THSD7A: variants seen among roughly 807,000 people sequenced by gnomAD.
THSD7A encodes thrombospondin type-1 domain-containing protein 7A.
THSD7A carries 96 observed loss-of-function variants against 231.3 expected under a neutral mutation model. The ratio of observed to expected loss-of-function variants is 0.41; its 90% CI spans 0.35 to 0.49. The LOEUF (loss-of-function observed/expected upper bound fraction) is 0.49, where lower values mean the gene tolerates loss of function less well. Among genes scored for constraint, THSD7A ranks in the 20% least tolerant of loss-of-function variants. THSD7A has a pLI of 0.05. For synonymous variants in THSD7A, 940 were observed against 743.3 expected (o/e 1.26, Z -4.30); for missense variants, 2,290 against 2,070.2 (o/e 1.11, Z -2.06).
At chr7:11,403,061 T>G (rs1783461956) in intron 22 of THSD7A, among the ~76,000 whole-genome samples, 1 of 152,152 alleles carries the variant, frequency 6.6e-6, no homozygotes, top group Admixed American at 6.5e-5. Context: ...ATACACCCTT[T>G]CCATTAACCC....
intron 6 of THSD7A, among the ~76,000 whole-genome samples, chr7:11,488,037 A>G (rs1786733267): frequency 6.6e-6 from 1 of 152,150 alleles, no homozygotes; most frequent in Non-Finnish European, 1.5e-5. Flanking sequence ...CTCACAACAT[A>G]ATGGAATTGT....
intron 1 of THSD7A, among the ~76,000 whole-genome samples, chr7:11,740,218 G>C (rs886882738): frequency 1.3e-4 from 19 of 151,892 alleles, no homozygotes; most frequent in African/African-American, 4.6e-4. Context: ...AGGCAATGCT[G>C]GGCTATACCC....
chr7:11,665,888 C>G (rs1036464002), intron 1 of THSD7A, among the ~76,000 whole-genome samples: 4 of 152,028 alleles, frequency 2.6e-5, no homozygotes, highest in Admixed American at 6.6e-5. Flanking sequence ...TTTAAAAAGA[C>G]AACATATAGT....
chr7:11,428,442 C>T (rs139522320), intron 14 of THSD7A, among the ~76,000 whole-genome samples: 2 of 152,246 alleles, frequency 1.3e-5, no homozygotes, highest in Non-Finnish European at 2.9e-5. Flanking sequence ...AGCATACTTA[C>T]AGTGATTTTG....
chr7:11,566,415 G>A (rs1349074602), intron 4 of THSD7A, among the ~76,000 whole-genome samples: 1 of 152,158 alleles, frequency 6.6e-6, no homozygotes, highest in Non-Finnish European at 1.5e-5. Flanking sequence ...ATAAACTAGG[G>A]ATATGGATTT....
chr7:11,453,051 T>G (rs1317373166), intron 11 of THSD7A, among the ~76,000 whole-genome samples: 1 of 151,872 alleles, frequency 6.6e-6, no homozygotes, highest in African/African-American at 2.4e-5. Context: ...CTTTTGACAA[T>G]TAACAGATAA....
At chr7:11,813,374 G>A (rs541589114) in intron 1 of THSD7A, among the ~76,000 whole-genome samples, 22 of 151,940 alleles carry the variant, frequency 1.4e-4, no homozygotes, top group South Asian at 4.2e-4. Context: ...TATCATAACC[G>A]AAATTCACAA....
chr7:11,768,697 C>A (rs185042605), intron 1 of THSD7A, among the ~76,000 whole-genome samples: 2 of 152,142 alleles, frequency 1.3e-5, no homozygotes, highest in Admixed American at 6.5e-5. Context: ...ATATTTTATA[C>A]CTTAGTTTGA....
At chr7:11,598,768 T>C (rs1318018233) in intron 2 of THSD7A, among the ~76,000 whole-genome samples, 1 of 152,148 alleles carries the variant, frequency 6.6e-6, no homozygotes, top group African/African-American at 2.4e-5. Context: ...CTCACCATCA[T>C]CCCTAGTGAT....
intron 4 of THSD7A, among the ~76,000 whole-genome samples, chr7:11,585,989 C>G (rs1014792665): frequency 3.3e-5 from 5 of 152,062 alleles, no homozygotes; most frequent in African/African-American, 1.2e-4. Flanking sequence ...TATTTGAGGA[C>G]CTGCCGTATT....
rs59135896 is a variant in THSD7A, at chr7:11,502,583, A to G, written c.1823-20601T>C. Among the ~76,000 whole-genome samples, 1,297 of 152,232 alleles carry G rather than the reference A, an allele frequency of 8.5e-3. 24 individuals are homozygous for G. Among genetic ancestry groups the G allele is most frequent in the African/African-American group, 0.029 (1,211 of 41,550 alleles). ...GAAAAGTCTTTTGATAAAATTCAAC[A>G]TCCCTTCATCTTAAAAACTCTCAAT... is the stretch of plus-strand genomic sequence containing the variant. On this transcript the variant is annotated intron_variant, in intron 6 of 27. Coordinates refer to ENST00000423059, the MANE Select transcript of THSD7A (RefSeq NM_015204.3).
At chr7:11,795,595 T>C (rs894556462) in intron 1 of THSD7A, among the ~76,000 whole-genome samples, 2 of 152,040 alleles carry the variant, frequency 1.3e-5, no homozygotes, top group African/African-American at 4.8e-5. Context: ...ATGATTGAAA[T>C]AAAGATATTT....
intron 2 of THSD7A, among the ~76,000 whole-genome samples, chr7:11,604,534 A>T (rs1780672710): frequency 6.6e-6 from 1 of 151,714 alleles, no homozygotes. Context: ...CACAATTTTT[A>T]AAAAATGTTT....
chr7:11,429,423 C>T (rs1227244479), intron 13 of THSD7A, among the ~76,000 whole-genome samples: 1 of 152,144 alleles, frequency 6.6e-6, no homozygotes, highest in Non-Finnish European at 1.5e-5. Context: ...AACCTGTCTG[C>T]TGCCATATCA....
At chr7:11,549,525 A>G (rs535181452) in intron 4 of THSD7A, among the ~76,000 whole-genome samples, 5 of 152,278 alleles carry the variant, frequency 3.3e-5, no homozygotes, top group African/African-American at 7.2e-5. Flanking sequence ...CATGGAATCA[A>G]CCCAAATGCC....
At chr7:11,642,010 G>A (rs528805594) in intron 1 of THSD7A, among the ~76,000 whole-genome samples, 7 of 152,174 alleles carry the variant, frequency 4.6e-5, no homozygotes, top group African/African-American at 1.7e-4. Context: ...ATAGAAAAGG[G>A]ACCACATCTA....
chr7:11,722,780 C>A (rs1329252920), intron 1 of THSD7A, among the ~76,000 whole-genome samples: 2 of 151,946 alleles, frequency 1.3e-5, no homozygotes, highest in South Asian at 2.1e-4. Flanking sequence ...CAATGAGATA[C>A]CATCTCACAC....
chr7:11,581,177 G>A (rs1224646284), intron 4 of THSD7A, among the ~76,000 whole-genome samples: 2 of 151,820 alleles, frequency 1.3e-5, no homozygotes, highest in Non-Finnish European at 2.9e-5. Flanking sequence ...CTTAATAAAT[G>A]TAATTAATAT....
chr7:11,417,251 G>A (rs111299260), intron 17 of THSD7A, among the ~76,000 whole-genome samples, 199 bp downstream of exon 17: 3 of 152,080 alleles, frequency 2.0e-5, no homozygotes, highest in Admixed American at 6.5e-5. Flanking sequence ...AGCTGTTCTA[G>A]TGTGAGAGGA....
Sources: gnomAD v4.1 joint callset for allele counts (sites outside exome capture counted in the v4.1 genomes callset) on GRCh38, gnomAD v4.1.1 for gene constraint, MANE v1.5 for transcripts, NCBI Gene and HGNC (gene_info 2026-07-23, HGNC 2026-07-21) for gene names.